MLPH: variants seen among roughly 807,000 people sequenced by gnomAD.
The protein encoded by MLPH is melanophilin.
MLPH carries 51 observed loss-of-function variants against 72.1 expected under a neutral mutation model. The observed-to-expected ratio is 0.71, with a 90% CI of 0.56 to 0.89. MLPH has a LOEUF of 0.89. Ranked by LOEUF, MLPH falls within the 40% of genes least tolerant of loss-of-function variation. MLPH has a pLI of 0.00. For synonymous variants in MLPH, 301 were observed against 310.1 expected, an observed-to-expected ratio of 0.97 and a Z score of 0.31; for missense variants, 743 against 759.9, an observed-to-expected ratio of 0.98 and a Z score of 0.26.
intron 2 of MLPH, 33 bp downstream of exon 2, chr2:237,493,569 G>A: frequency 1.3e-6 from 2 of 1,564,690 alleles, no homozygotes; most frequent in Non-Finnish European, 1.8e-6. Flanking sequence ...ACGGAGCCCG[G>A]GGTCCCTGAT....
At chr2:237,546,132 A>G (rs1237802634) in intron 12 of MLPH, among the ~76,000 whole-genome samples, 2 of 152,208 alleles carry the variant, frequency 1.3e-5, no homozygotes, top group East Asian at 1.9e-4. Flanking sequence ...GTAGTAGATA[A>G]GAGACAAAAG....
At chr2:237,531,157 A>G (rs540444748) in intron 8 of MLPH, among the ~76,000 whole-genome samples, 2 of 152,338 alleles carry the variant, frequency 1.3e-5, no homozygotes, top group African/African-American at 4.8e-5. Flanking sequence ...ATCCAGTTCT[A>G]GAGCCCAGGT....
intron 1 of MLPH, 36 bp from the exon 2 acceptor site, chr2:237,493,367 C>A: frequency 7.3e-7 from 1 of 1,369,510 alleles, no homozygotes; most frequent in Middle Eastern, 1.8e-4. Context: ...TGGTAGGCTT[C>A]TGGGACTGAT....
intron 6 of MLPH, among the ~76,000 whole-genome samples, chr2:237,523,669 G>A (rs936918009): frequency 2.6e-5 from 4 of 152,132 alleles, no homozygotes; most frequent in Admixed American, 6.5e-5. Flanking sequence ...TGTAAAGAAG[G>A]TTTAATACTG....
intron 2 of MLPH, among the ~76,000 whole-genome samples, chr2:237,495,912 G>A (rs2079526592): frequency 6.6e-6 from 1 of 152,122 alleles, no homozygotes; most frequent in Non-Finnish European, 1.5e-5. Context: ...GCGGTCTCAC[G>A]GGCCCCGTCC....
rs139521917 is a variant in MLPH at position 237,545,633 on chromosome 2, A to T, written c.1540-973A>T. On this transcript the variant is annotated intron_variant, in intron 12 of 15. Coordinates refer to ENST00000264605, the MANE Select transcript of MLPH (RefSeq NM_024101.7). ...GGAGGGCGCGGGAGGCTCACATCAG[A>T]GGAGCTGCTCACGTCAGGCCAACAT... The T allele has an allele frequency of 7.1e-4, 909 of 1,283,386 alleles. 7 individuals are homozygous for T. The African/African-American group carries it at 0.012, about 17-fold the overall frequency. The allele number at this position is 1,283,386 out of a possible 1,614,324, so 79.5% of individuals were successfully genotyped here. A position where few individuals can be genotyped will look rare whatever the true frequency, so the allele number is the denominator to read the frequency against.
In MLPH at chr2:237,541,701, G is replaced by A. The variant is rs1232786935; in HGVS notation, c.1446+744G>A. ...CTAGAATGTAGCCCACATTGTGTAG[G>A]CCACGGAAGATCTGGTGCAAATACC... is the stretch of plus-strand genomic sequence containing the variant. On this transcript the variant is annotated intron_variant, in intron 11 of 15. Coordinates refer to ENST00000264605, the MANE Select transcript of MLPH (RefSeq NM_024101.7). This position sits in a 1 kb window ranked among gnomAD's most constrained non-coding sequence, Gnocchi z 5.1. Among the ~76,000 whole-genome samples the A allele has an allele frequency of 6.6e-6, 1 of 152,236 alleles. No individual in the cohort carries two copies. Among genetic ancestry groups the A allele is most frequent in the Non-Finnish European group, 1.5e-5 (1 of 68,046 alleles).
chr2:237,540,254 G>A, intron 9 of MLPH, 94 bp from the exon 10 acceptor site: 1 of 1,407,118 alleles, frequency 7.1e-7, no homozygotes, highest in South Asian at 1.2e-5. Flanking sequence ...AACCCCAGGT[G>A]TGCTGGGCCC....
At chr2:237,551,369 G>A (rs762013141) in intron 14 of MLPH, among the ~76,000 whole-genome samples, 6 of 152,268 alleles carry the variant, frequency 3.9e-5, no homozygotes, top group Non-Finnish European at 5.9e-5. Context: ...CCTGTAGCAT[G>A]TGCCAGGTTC....
chr2:237,489,147 C>G (rs1254189472), intron 1 of MLPH, among the ~76,000 whole-genome samples: 1 of 152,216 alleles, frequency 6.6e-6, no homozygotes, highest in South Asian at 2.1e-4. Flanking sequence ...GGATGGGAAC[C>G]CAGCTCCCAC....
intron 7 of MLPH, 148 bp downstream of exon 7, chr2:237,525,953 C>T: frequency 1.2e-6 from 1 of 802,354 alleles, no homozygotes. Flanking sequence ...ACGTGCAGTC[C>T]CAGCAAACAC....
chr2:237,530,248 G>A (rs1472691009), intron 8 of MLPH, among the ~76,000 whole-genome samples: 3 of 152,142 alleles, frequency 2.0e-5, no homozygotes, highest in African/African-American at 7.2e-5. Context: ...GGGCTTTTCC[G>A]AGCCCTCATT....
intron 2 of MLPH, among the ~76,000 whole-genome samples, chr2:237,501,537 T>A: frequency 6.6e-6 from 1 of 151,838 alleles, no homozygotes; most frequent in East Asian, 1.9e-4. Context: ...CTAAAATAAT[T>A]CACTCTAGGC....
chr2:237,537,007 G>T (rs1247059620), intron 9 of MLPH, among the ~76,000 whole-genome samples: 7 of 152,236 alleles, frequency 4.6e-5, no homozygotes. Context: ...CCCGCGAGGG[G>T]ACACTGCTCG....
chr2:237,516,916 G>A (rs902508248), intron 4 of MLPH, among the ~76,000 whole-genome samples: 1 of 143,960 alleles, frequency 6.9e-6, no homozygotes, highest in Non-Finnish European at 1.5e-5. Flanking sequence ...TGGATGGTAG[G>A]ATGGATGGAT....
intron 12 of MLPH, chr2:237,545,728 T>A (rs2080904769): frequency 9.0e-7 from 1 of 1,115,478 alleles, no homozygotes; most frequent in Non-Finnish European, 1.1e-6. Flanking sequence ...GGCAAAAGAA[T>A]GAAAGATGAC....
chr2:237,535,590 G>A (rs146704266), intron 9 of MLPH, among the ~76,000 whole-genome samples: 63 of 152,266 alleles, frequency 4.1e-4, no homozygotes, highest in African/African-American at 1.4e-3. Flanking sequence ...CTGAGTCACA[G>A]CCACACATCT....
Position 237,525,602 on chromosome 2 carries a change from C to G in MLPH, c.677C>G (p.Ser226Cys), listed in dbSNP as rs768370444. 60 of 1,614,086 alleles carry G rather than the reference C, an allele frequency of 3.7e-5. No individual in the cohort carries two copies. Among genetic ancestry groups the G allele is most frequent in the Non-Finnish European group, 4.7e-5 (56 of 1,180,000 alleles). The change falls in exon 7 of 16, where the codon TCC becomes TGC. Residue 226 changes from serine to cysteine, a missense_variant and splice_region_variant. Coordinates refer to ENST00000264605, the MANE Select transcript of MLPH (RefSeq NM_024101.7). ...SVPEARDSPQSLTDESCSEKA... is the reference protein window; with the variant it reads ...SVPEARDSPQCLTDESCSEKA... ...AGGCTGACAGCCCCATGTGCTTAGT[C>G]CCTCACAGATGAGTCCTGCTCAGAG...
intron 2 of MLPH, among the ~76,000 whole-genome samples, chr2:237,498,071 G>C (rs1035290826): frequency 6.6e-6 from 1 of 152,188 alleles, no homozygotes; most frequent in African/African-American, 2.4e-5. Flanking sequence ...GAGAACAGGG[G>C]TGGGGGAATT....
Sources: gnomAD v4.1 joint callset for allele counts (sites outside exome capture counted in the v4.1 genomes callset) on GRCh38, gnomAD v4.1.1 for gene constraint, Gnocchi (gnomAD v3.1) non-coding constraint, MANE v1.5 for transcripts, NCBI Gene and HGNC (gene_info 2026-07-23, HGNC 2026-07-21) for gene names.